RAD52: variants seen among roughly 807,000 people sequenced by gnomAD.
RAD52 encodes the protein RAD52 DNA repair protein.
Under a neutral mutation model 55.5 loss-of-function variants are expected in RAD52, and 47 were observed. The observed-to-expected ratio is 0.85, with a 90% CI of 0.67 to 1.08. RAD52 has a LOEUF of 1.08. Among genes scored for constraint, RAD52 ranks in the 50% least tolerant of loss-of-function variants. The probability of loss-of-function intolerance (pLI) is 0.00; values close to 1 mark genes in which losing one functional copy is unlikely to be tolerated. For synonymous variants in RAD52, 184 were observed against 198.9 expected (o/e 0.92, Z 0.63); for missense variants, 468 against 522.8 (o/e 0.90, Z 1.02).
intron 1 of RAD52, among the ~76,000 whole-genome samples, chr12:947,744 C>A (rs1046620859): frequency 1.3e-5 from 2 of 151,746 alleles, no homozygotes; most frequent in African/African-American, 4.8e-5. Context: ...AAAAATTAGC[C>A]GGGCATAGTG....
At chr12:965,540 C>T (rs905496964) in intron 1 of RAD52, among the ~76,000 whole-genome samples, 5 of 152,048 alleles carry the variant, frequency 3.3e-5, no homozygotes, top group African/African-American at 9.7e-5. Flanking sequence ...CTGTCCTCCT[C>T]CCTAGTGAAC....
At chr12:976,072 C>G (rs1958931075) in intron 1 of RAD52, 1 of 152,252 alleles carries the variant, frequency 6.6e-6, no homozygotes, top group Non-Finnish European at 1.5e-5. Context: ...GTAATCCCAG[C>G]ACTTTGGGAG....
chr12:967,747 G>C (rs1747828423), intron 1 of RAD52, among the ~76,000 whole-genome samples: 1 of 152,030 alleles, frequency 6.6e-6, no homozygotes, highest in African/African-American at 2.4e-5. Flanking sequence ...TGTGACTACA[G>C]ATGCAGGCCA....
Position 916,693 on chromosome 12 carries a change from G to A in RAD52, c.671C>T (p.Ser224Phe), listed in dbSNP as rs754556113. 1.2e-6 allele frequency: 2 copies of A among 1,614,122 alleles called. No homozygotes were observed. Among genetic ancestry groups the A allele is most frequent in the Non-Finnish European group, 1.7e-6 (2 of 1,179,998 alleles). ...CACAGCATGGCTGGGTCTGGAAGGG[G>A]AGGTCACCTGCTGCAGCTGTGGGTG... ...LGHPQLQQVT[S>F]PSRPSHAVIP... Residue 224 changes from serine (S) to phenylalanine (F), a missense_variant, in exon 8 of 12, where the codon TCC becomes TTC. Physicochemically the swap from Ser to Phe is radical, Grantham distance 155 (BLOSUM62 -2). Coordinates refer to ENST00000358495, the MANE Select transcript of RAD52 (RefSeq NM_134424.4).
intron 1 of RAD52, among the ~76,000 whole-genome samples, chr12:933,850 G>C (rs1355870638): frequency 1.8e-4 from 28 of 152,058 alleles, no homozygotes; most frequent in Admixed American, 1.8e-3. Context: ...GGCCAGGCAT[G>C]GTGGCTCAAA....
chr12:982,589 T>C lies in RAD52; in HGVS notation c.-19+7220A>G, dbSNP rs1959031711. Among the ~76,000 whole-genome samples the C allele has an allele frequency of 2.0e-5, 3 of 151,764 alleles. No homozygotes were observed. The South Asian group carries it at 6.3e-4, about 32-fold the overall frequency. Reference sequence around the variant, plus strand: ...TCCGATAATATGTTCCTAATTTCCGTCTGAGACCTCCCCAGAATCACCTTT... The same window carrying C: ...TCCGATAATATGTTCCTAATTTCCGCCTGAGACCTCCCCAGAATCACCTTT... On this transcript the variant is annotated intron_variant, in intron 1 of 11. Transcript: ENST00000430095.
chr12:951,471 A>G (rs554208297), upstream of RAD52, among the ~76,000 whole-genome samples: 19 of 152,258 alleles, frequency 1.2e-4, no homozygotes, highest in South Asian at 3.3e-3. Context: ...TGCTTTCTTC[A>G]CATATTTAGA....
intron 9 of RAD52, among the ~76,000 whole-genome samples, chr12:914,968 C>A (rs1465245079): frequency 6.6e-6 from 1 of 152,074 alleles, no homozygotes; most frequent in South Asian, 2.1e-4. Flanking sequence ...GACGCCACCT[C>A]TACAAAAAAT....
In RAD52 at chr12:978,392, G is replaced by A. The variant is rs140583601; in HGVS notation, c.-19+11417C>T. 1.6e-4 allele frequency among the ~76,000 whole-genome samples: 25 copies of A among 152,332 alleles called. No homozygotes were observed. In the East Asian group the frequency reaches 4.6e-3, roughly 28 times the overall value. ...AACTACATACAATTAAGGATGTGCA[G>A]TCAGAATACTATGTTCAAATGTAAC... On this transcript the variant is annotated intron_variant, in intron 1 of 11. Transcript: ENST00000430095.
rs1483776677 is a variant in RAD52, at chr12:914,348, G to A, written c.967+83C>T. 5 of 1,560,510 alleles carry A rather than the reference G, an allele frequency of 3.2e-6. No individual in the cohort carries two copies. In the East Asian group the frequency reaches 6.9e-5, roughly 21 times the overall value. On this transcript the variant is annotated intron_variant, in intron 10 of 11. Transcript: ENST00000358495. ...CCTCAACAAAACCACACGAAAATGA[G>A]GATTTTTATGTCGCCTAAAAGGTAT...
At chr12:936,684 T>A (rs1957652090) in intron 1 of RAD52, 1 of 152,052 alleles carries the variant, frequency 6.6e-6, no homozygotes, top group Non-Finnish European at 1.5e-5. Flanking sequence ...TTTTTAGAGA[T>A]GAGTGTCTCA....
rs372968060 is a variant in RAD52, at chr12:940,275, T to C, written c.-18-7199A>G. ...GAGGTAGTCTTGAAAACGCAAGCCTTCTGGGAAGAAGGAGAAAAAGAATGA... is the reference window on the plus strand; with the variant it reads ...GAGGTAGTCTTGAAAACGCAAGCCTCCTGGGAAGAAGGAGAAAAAGAATGA... On this transcript the variant is annotated intron_variant, in intron 1 of 11. Transcript: ENST00000358495. 6.6e-5 allele frequency among the ~76,000 whole-genome samples: 10 copies of C among 151,684 alleles called. No individual in the cohort carries two copies. The East Asian group carries it at 1.6e-3, about 24-fold the overall frequency.
chr12:925,803 C>T (rs1399628695), intron 6 of RAD52, among the ~76,000 whole-genome samples: 2 of 151,956 alleles, frequency 1.3e-5, no homozygotes, highest in East Asian at 3.9e-4. Context: ...ACCCACCAGC[C>T]ACCTCCTGAC....
At chr12:917,770 C>CAAAAAA (rs71055103) in intron 7 of RAD52, among the ~76,000 whole-genome samples, 1 of 107,360 alleles carries the variant, frequency 9.3e-6, no homozygotes, top group Non-Finnish European at 1.8e-5. Context: ...ACTAAAAATA[C>CAAAAAA]AAAAAAAAAA....
chr12:973,893 C>T (rs1468065182), intron 1 of RAD52, among the ~76,000 whole-genome samples: 2 of 151,246 alleles, frequency 1.3e-5, no homozygotes, highest in African/African-American at 4.9e-5. Flanking sequence ...TCAACTGATC[C>T]TCAGCCTCAG....
At chr12:986,418 G>GT (rs1455396109) in intron 1 of RAD52, among the ~76,000 whole-genome samples, 1 of 152,076 alleles carries the variant, frequency 6.6e-6, no homozygotes, top group African/African-American at 2.4e-5. Flanking sequence ...AGGCTGGAGA[G>GT]TGGTACCATT....
chr12:956,910 G>A (rs1038543321), intron 1 of RAD52, among the ~76,000 whole-genome samples: 12 of 152,184 alleles, frequency 7.9e-5, no homozygotes, highest in African/African-American at 2.9e-4. Flanking sequence ...GGGAAGATTA[G>A]ATGAGTTATA....
At chr12:930,386 A>T (rs923715191) in intron 3 of RAD52, among the ~76,000 whole-genome samples, 4 of 152,108 alleles carry the variant, frequency 2.6e-5, no homozygotes, top group Non-Finnish European at 5.9e-5. Context: ...CTGTTAAAAA[A>T]AATTTTTTTT....
intron 8 of RAD52, 76 bp from the exon 9 acceptor site, chr12:916,559 T>A (rs776391932): frequency 6.2e-7 from 1 of 1,601,008 alleles, no homozygotes; most frequent in Non-Finnish European, 8.5e-7. Flanking sequence ...CACGGCTGGC[T>A]GGCTCTGGAG....
Sources: gnomAD v4.1 joint callset for allele counts (sites outside exome capture counted in the v4.1 genomes callset) on GRCh38, gnomAD v4.1.1 for gene constraint, MANE v1.5 for transcripts, NCBI Gene and HGNC (gene_info 2026-07-23, HGNC 2026-07-21) for gene names.